The following SLC45A2 variants were observed in gnomAD, a reference collection of about 807,000 sequenced individuals.
The protein encoded by SLC45A2 is membrane-associated transporter protein.
A neutral mutation model predicts 45.5 loss-of-function variants in SLC45A2; 36 were observed. That is an observed-to-expected ratio of 0.79 (90% CI 0.61 to 1.04). The LOEUF is 1.04. SLC45A2 is among the 50% of genes least tolerant of loss of function. The pLI is 0.00. For synonymous variants in SLC45A2, 306 were observed against 269.3 expected, an observed-to-expected ratio of 1.14 and a Z score of -1.33; for missense variants, 719 against 671.0, an observed-to-expected ratio of 1.07 and a Z score of -0.79.
intron 5 of SLC45A2, chr5:33,951,285 A>G: frequency 1.2e-6 from 1 of 849,150 alleles, no homozygotes; most frequent in Non-Finnish European, 1.7e-6. Context: ...CATCTTGTAA[A>G]GATTCCCTTT....
At chr5:33,955,668 C>A (rs1385546992) in intron 3 of SLC45A2, among the ~76,000 whole-genome samples, 1 of 152,092 alleles carries the variant, frequency 6.6e-6, no homozygotes, top group South Asian at 2.1e-4. Flanking sequence ...AACACACACA[C>A]ACACACACGG....
chr5:33,965,192 T>G (rs540781191), intron 2 of SLC45A2, among the ~76,000 whole-genome samples: 1 of 152,188 alleles, frequency 6.6e-6, no homozygotes, highest in Non-Finnish European at 1.5e-5. Context: ...ATTTCTCAGA[T>G]AAGGACAATA....
intron 3 of SLC45A2, among the ~76,000 whole-genome samples, chr5:33,960,382 C>T (rs1468353991): frequency 1.3e-5 from 2 of 151,572 alleles, no homozygotes; most frequent in East Asian, 1.9e-4. Context: ...CTGCTGTAAA[C>T]GTGTGTGCAG....
intron 2 of SLC45A2, among the ~76,000 whole-genome samples, chr5:33,971,687 C>A (rs981734894): frequency 5.1e-4 from 78 of 152,200 alleles, no homozygotes; most frequent in African/African-American, 1.8e-3. Context: ...AGTGCAGTGG[C>A]GTGATCTTGG....
At chr5:33,948,085 C>A (rs1751992071) in intron 5 of SLC45A2, among the ~76,000 whole-genome samples, 1 of 152,168 alleles carries the variant, frequency 6.6e-6, no homozygotes, top group African/African-American at 2.4e-5. Flanking sequence ...ATAAAACCAT[C>A]TTTTGGAGTT....
chr5:33,963,709 G>GT lies in SLC45A2; in HGVS notation c.869dup (p.Asn290LysfsTer6), dbSNP rs1195350614. 1.2e-6 allele frequency: 2 copies of GT among 1,613,890 alleles called. No individual in the cohort carries two copies. The highest frequency in any genetic ancestry group is 2.2e-5 in the East Asian group (1 of 44,884). Reference sequence around the variant, plus strand: ...TCTTTACCTGTTCAGCATGATTTTTGTTTTTTGCTCCCTGCATTGCCAGCT... The same window carrying GT: ...TCTTTACCTGTTCAGCATGATTTTTGTTTTTTTGCTCCCTGCATTGCCAGCT... On this transcript the variant is annotated frameshift_variant, in exon 3 of 7. Transcript: ENST00000296589. LOFTEE classifies it high-confidence loss of function.
At chr5:33,968,433 G>A (rs1303620222) in intron 2 of SLC45A2, among the ~76,000 whole-genome samples, 5 of 152,224 alleles carry the variant, frequency 3.3e-5, no homozygotes, top group African/African-American at 1.2e-4. Context: ...GACATCTGCT[G>A]CCACATTAGA....
chr5:33,951,705 G>T lies in SLC45A2; in HGVS notation c.1033-28C>A, dbSNP rs772407949. On this transcript the variant is annotated intron_variant, in intron 4 of 6. Transcript: ENST00000296589. The stretch of plus-strand genomic sequence containing the variant: ...GAAAGAGAGATTGGAGGCTGTTGAG[G>T]TACAAATGCAATGTAGTAAGAACCC... The T allele has an allele frequency of 3.1e-6, 5 of 1,614,036 alleles. No individual in the cohort carries two copies. The South Asian group carries it at 3.3e-5, about 11-fold the overall frequency.
intron 2 of SLC45A2, among the ~76,000 whole-genome samples, chr5:33,965,470 C>T (rs1752580731): frequency 6.6e-6 from 1 of 152,154 alleles, no homozygotes; most frequent in African/African-American, 2.4e-5. Flanking sequence ...TTAGCATGTC[C>T]TGAATGCTGA....
intron 6 of SLC45A2, chr5:33,946,824 G>A: frequency 7.9e-7 from 1 of 1,272,468 alleles, no homozygotes; most frequent in Non-Finnish European, 1.0e-6. Context: ...GGTGGTTACA[G>A]AAGACCTGGG....
At chr5:33,952,984 G>T (rs1353874001) in intron 4 of SLC45A2, among the ~76,000 whole-genome samples, 3 of 90,154 alleles carry the variant, frequency 3.3e-5, no homozygotes, top group Non-Finnish European at 6.7e-5. Context: ...GAGAATGATG[G>T]TTTCCAATTT....
intron 1 of SLC45A2, among the ~76,000 whole-genome samples, chr5:33,983,248 CA>C (rs773537352): frequency 2.0e-5 from 3 of 152,206 alleles, no homozygotes; most frequent in Non-Finnish European, 4.4e-5. Context: ...ATCGTTTACC[CA>C]ATCTCCTATA....
At chr5:33,963,618 A>G (rs1177976353) in intron 3 of SLC45A2, 73 bp downstream of exon 3, 1 of 1,436,008 alleles carries the variant, frequency 7.0e-7, no homozygotes. Flanking sequence ...CAAAACAAAC[A>G]ATTAAAAAAA....
Position 33,951,546 on chromosome 5 carries a change from A to C in SLC45A2, c.1156+8T>G. 2 of 1,614,174 alleles carry C rather than the reference A, an allele frequency of 1.2e-6. No individual in the cohort carries two copies. The highest frequency in any genetic ancestry group is 1.7e-6 in the Non-Finnish European group (2 of 1,180,016). ...TAGAAGACATCCTTAGGAGAGAGAA[A>C]GACTTACAAGAATAAAGTGAGGAAA... On this transcript the variant is annotated splice_region_variant and intron_variant, in intron 5 of 6. Coordinates refer to ENST00000296589, the MANE Select transcript of SLC45A2 (RefSeq NM_016180.5).
At chr5:33,959,897 C>T (rs1441377575) in intron 3 of SLC45A2, among the ~76,000 whole-genome samples, 1 of 152,166 alleles carries the variant, frequency 6.6e-6, no homozygotes, top group Non-Finnish European at 1.5e-5. Context: ...AAACTACTTA[C>T]ACACTTTTAT....
At chr5:33,974,790 A>G (rs1752876544) in intron 2 of SLC45A2, among the ~76,000 whole-genome samples, 1 of 152,206 alleles carries the variant, frequency 6.6e-6, no homozygotes, top group Non-Finnish European at 1.5e-5. Flanking sequence ...CTTTGAACAC[A>G]GGGAGAAAGA....
At chr5:33,968,896 C>T (rs1223196577) in intron 2 of SLC45A2, among the ~76,000 whole-genome samples, 1 of 152,194 alleles carries the variant, frequency 6.6e-6, no homozygotes, top group Non-Finnish European at 1.5e-5. Flanking sequence ...GAACTCCCAT[C>T]TTCCCATGGG....
chr5:33,974,473 A>C (rs1486695361), intron 2 of SLC45A2, among the ~76,000 whole-genome samples: 1 of 152,054 alleles, frequency 6.6e-6, no homozygotes, highest in African/African-American at 2.4e-5. Flanking sequence ...AAAGAATTTC[A>C]GTTTACTGGG....
At chr5:33,969,065 CTGTGTGTG>C (rs66961145) in intron 2 of SLC45A2, among the ~76,000 whole-genome samples, 41 of 102,462 alleles carry the variant, frequency 4.0e-4, no homozygotes, top group African/African-American at 1.5e-3. Flanking sequence ...CTCTCTCTCT[CTGTGTGTG>C]TGTGTGTGTG....
Sources: allele counts gnomAD v4.1 joint callset (sites outside exome capture counted in the v4.1 genomes callset), GRCh38; gene constraint gnomAD v4.1.1; transcripts MANE v1.5; gene names NCBI Gene and HGNC (gene_info 2026-07-23, HGNC 2026-07-21).